The following STK24 variants were observed in gnomAD, a reference collection of about 807,000 sequenced individuals.
STK24 encodes serine/threonine kinase 24.
A neutral mutation model predicts 55.6 loss-of-function variants in STK24; 21 were observed. The ratio of observed to expected loss-of-function variants is 0.38; its 90% CI spans 0.27 to 0.54. The LOEUF is 0.54. Among genes scored for constraint, STK24 ranks in the 20% least tolerant of loss-of-function variants. The pLI, the probability that STK24 is intolerant of heterozygous loss-of-function variation, is 0.79. For synonymous variants in STK24, 200 were observed against 215.2 expected (o/e 0.93, Z 0.62); for missense variants, 383 against 538.4 (o/e 0.71, Z 2.86).
chr13:98,456,542 T>G (rs770399364), intron 10 of STK24: 73 of 511,126 alleles, frequency 1.4e-4, no homozygotes, highest in Non-Finnish European at 5.6e-5. Context: ...CAGGAGGGGC[T>G]TGGTTCCCAT....
At chr13:98,573,338 C>T (rs953121870) in intron 1 of STK24, among the ~76,000 whole-genome samples, 7 of 152,236 alleles carry the variant, frequency 4.6e-5, no homozygotes, top group Admixed American at 3.9e-4. Flanking sequence ...CTGCCTCCAT[C>T]TGAAGCTTTT....
intron 2 of STK24, among the ~76,000 whole-genome samples, chr13:98,491,691 CAAAA>C (rs11285292): frequency 7.5e-6 from 1 of 132,734 alleles, no homozygotes. Flanking sequence ...ATTACTAAGC[CAAAA>C]AAAAAAAAAA....
chr13:98,502,088 C>T (rs1163842065), intron 2 of STK24, among the ~76,000 whole-genome samples: 2 of 152,186 alleles, frequency 1.3e-5, no homozygotes, highest in African/African-American at 2.4e-5. Context: ...CAACCCTGGC[C>T]TCTTGGCCTC....
chr13:98,559,343 TAA>T (rs1275892316), intron 1 of STK24, among the ~76,000 whole-genome samples: 2 of 152,128 alleles, frequency 1.3e-5, no homozygotes, highest in Non-Finnish European at 2.9e-5. Context: ...CGCATGACAC[TAA>T]GTCTCACAAG....
intron 2 of STK24, among the ~76,000 whole-genome samples, chr13:98,497,015 G>A (rs1340118053): frequency 6.6e-6 from 1 of 152,154 alleles, no homozygotes; most frequent in African/African-American, 2.4e-5. Context: ...ACAGTGTTGG[G>A]ACCCGCATTT....
chr13:98,534,124 T>C (rs1316439328), intron 1 of STK24, among the ~76,000 whole-genome samples: 1 of 152,164 alleles, frequency 6.6e-6, no homozygotes, highest in East Asian at 1.9e-4. Flanking sequence ...GCAAGGCCCA[T>C]GGTCACAAAG....
rs117379741 is a variant in STK24, at chr13:98,497,400, C to A, written c.274-15079G>T. On this transcript the variant is annotated intron_variant, in intron 2 of 10. Transcript: ENST00000539966. ...AATTTATAAGGCACATTTCTTTTTC[C>A]CTGCCTGCCAGATCAAAAAGAGTAA... Among the ~76,000 whole-genome samples the A allele has an allele frequency of 8.1e-3, 1,230 of 152,304 alleles. 12 individuals carry two copies. The highest frequency in any genetic ancestry group is 0.014 in the Admixed American group (220 of 15,300).
chr13:98,551,835 C>G (rs933972778), intron 1 of STK24, among the ~76,000 whole-genome samples: 6 of 152,202 alleles, frequency 3.9e-5, no homozygotes, highest in African/African-American at 1.4e-4. Flanking sequence ...GTGCATTAAA[C>G]ATAGCAGACA....
Position 98,554,629 on chromosome 13 carries a change from A to G in STK24, c.42+22116T>C, listed in dbSNP as rs141381610. On this transcript the variant is annotated intron_variant, in intron 1 of 10. Transcript: ENST00000539966. ...TGCTTGAGGCCAAAAGGTGAAGACC[A>G]GCCTGAGCAAGGTAAGACTCCACCT... is the stretch of plus-strand genomic sequence containing the variant. Among the ~76,000 whole-genome samples the G allele has an allele frequency of 5.6e-3, 849 of 152,362 alleles. 34 individuals are homozygous for G. The highest frequency in any genetic ancestry group is 0.047 in the Admixed American group (725 of 15,296).
intron 1 of STK24, among the ~76,000 whole-genome samples, chr13:98,521,382 T>C (rs1207807247): frequency 6.6e-6 from 1 of 152,202 alleles, no homozygotes; most frequent in Admixed American, 6.5e-5. Flanking sequence ...TTACAGGTTT[T>C]AAAAAACACA....
chr13:98,575,548 CA>C (rs1566413021), intron 1 of STK24, among the ~76,000 whole-genome samples: 1 of 151,870 alleles, frequency 6.6e-6, no homozygotes, highest in South Asian at 2.1e-4. Context: ...TTTACGGTTT[CA>C]AAAAAAGAAG....
intron 5 of STK24, among the ~76,000 whole-genome samples, chr13:98,473,167 A>G (rs1894215975): frequency 6.7e-6 from 1 of 149,284 alleles, no homozygotes; most frequent in Admixed American, 6.7e-5. Flanking sequence ...TATTACTGGA[A>G]TCCAGAAAAA....
intron 2 of STK24, among the ~76,000 whole-genome samples, chr13:98,513,981 G>A (rs1235433527): frequency 6.6e-6 from 1 of 152,238 alleles, no homozygotes; most frequent in African/African-American, 2.4e-5. Context: ...AAAGAAAGGT[G>A]TGAGTAAAGA....
rs1897505694 is a variant in STK24, at chr13:98,564,144, CTGATA to C, written c.42+12596_42+12600del. 3.3e-5 allele frequency among the ~76,000 whole-genome samples: 5 copies of C among 152,302 alleles called. No homozygotes were observed. In the South Asian group the frequency reaches 8.3e-4, roughly 25 times the overall value. ...AACATCCCAAACATTGAAAACTCTA[CTGATA>C]TGAAATACTTTTTCCCATTCTGAAA... On this transcript the variant is annotated intron_variant, in intron 1 of 10. Coordinates refer to ENST00000539966, the MANE Select transcript of STK24 (RefSeq NM_001032296.4).
intron 2 of STK24, among the ~76,000 whole-genome samples, chr13:98,490,736 C>T (rs1385961675): frequency 2.6e-5 from 4 of 151,872 alleles, no homozygotes; most frequent in Non-Finnish European, 5.9e-5. Flanking sequence ...AGGAAGGCCT[C>T]ATCCTCCCTT....
intron 1 of STK24, among the ~76,000 whole-genome samples, chr13:98,542,229 TTTA>T (rs1896908380): frequency 6.6e-6 from 1 of 150,744 alleles, no homozygotes; most frequent in Non-Finnish European, 1.5e-5. Flanking sequence ...TGTCAGCCAT[TTTA>T]AAGCATTGTA....
intron 1 of STK24, among the ~76,000 whole-genome samples, chr13:98,541,398 G>A (rs1033479754): frequency 3.9e-5 from 6 of 152,274 alleles, no homozygotes; most frequent in Non-Finnish European, 7.3e-5. Context: ...GCTGCATCCC[G>A]ACCAACTATG....
chr13:98,519,816 C>T (rs533976150), intron 1 of STK24, among the ~76,000 whole-genome samples: 1 of 152,122 alleles, frequency 6.6e-6, no homozygotes, highest in South Asian at 2.1e-4. Context: ...ACAGACTTAT[C>T]GAAAAATCAC....
At chr13:98,471,650 C>A (rs912081147) in intron 5 of STK24, among the ~76,000 whole-genome samples, 1 of 152,180 alleles carries the variant, frequency 6.6e-6, no homozygotes, top group Non-Finnish European at 1.5e-5. Context: ...TTCAGCAACA[C>A]CTGAGCAGCC....
Sources: gnomAD v4.1 joint callset for allele counts (sites outside exome capture counted in the v4.1 genomes callset) on GRCh38, gnomAD v4.1.1 for gene constraint, MANE v1.5 for transcripts, NCBI Gene and HGNC (gene_info 2026-07-23, HGNC 2026-07-21) for gene names.